SSBP2: variants seen among roughly 807,000 people sequenced by gnomAD.
SSBP2 encodes single-stranded DNA-binding protein 2.
A neutral mutation model predicts 61.8 loss-of-function variants in SSBP2; 17 were observed. The observed-to-expected ratio is 0.28, with a 90% CI of 0.19 to 0.41. The LOEUF (loss-of-function observed/expected upper bound fraction) is 0.41. Among genes scored for constraint, SSBP2 ranks in the 10% least tolerant of loss-of-function variants. The pLI, the probability that SSBP2 is intolerant of heterozygous loss-of-function variation, is 1.00. For synonymous variants in SSBP2, 139 were observed against 141.3 expected (o/e 0.98, Z 0.12); for missense variants, 310 against 458.7 (o/e 0.68, Z 2.96).
intron 4 of SSBP2, among the ~76,000 whole-genome samples, chr5:81,541,001 T>C (rs1771223478): frequency 6.6e-6 from 1 of 151,980 alleles, no homozygotes. Context: ...TGTGTGATTC[T>C]ATAGCTAGAA....
chr5:81,611,889 TATAAG>T (rs1259561352), intron 4 of SSBP2, among the ~76,000 whole-genome samples: 2 of 152,138 alleles, frequency 1.3e-5, no homozygotes, highest in Admixed American at 6.5e-5. Flanking sequence ...ATTCTAGTCT[TATAAG>T]ATAAATACAT....
intron 5 of SSBP2, among the ~76,000 whole-genome samples, chr5:81,493,597 A>T (rs1351037201): frequency 6.6e-6 from 1 of 152,158 alleles, no homozygotes; most frequent in African/African-American, 2.4e-5. Context: ...CTAGTAAAAA[A>T]TACAAAAAAT....
intron 4 of SSBP2, among the ~76,000 whole-genome samples, chr5:81,583,440 T>G (rs180812120): frequency 4.6e-5 from 7 of 151,836 alleles, no homozygotes; most frequent in Non-Finnish European, 7.4e-5. Flanking sequence ...CCATCCTGGC[T>G]AACACGGTGA....
At chr5:81,604,884 G>A (rs183298256) in intron 4 of SSBP2, among the ~76,000 whole-genome samples, 254 of 152,164 alleles carry the variant, frequency 1.7e-3, no homozygotes, top group Non-Finnish European at 2.4e-3. Context: ...ACTAAGGGAT[G>A]AGATAATTTT....
intron 10 of SSBP2, among the ~76,000 whole-genome samples, chr5:81,457,914 G>A (rs958211292): frequency 3.9e-5 from 6 of 151,938 alleles, no homozygotes; most frequent in African/African-American, 1.2e-4. Flanking sequence ...CACCTGCCTC[G>A]GCCTCCCAAA....
intron 4 of SSBP2, among the ~76,000 whole-genome samples, chr5:81,545,151 A>AT (rs1306304196): frequency 2.0e-5 from 3 of 152,266 alleles, no homozygotes; most frequent in Non-Finnish European, 2.9e-5. Context: ...TAAAACACAT[A>AT]TTTTTTTAGT....
chr5:81,448,190 T>G (rs1763528162), intron 11 of SSBP2: 1 of 152,530 alleles, frequency 6.6e-6, no homozygotes. Context: ...AATGTGATGA[T>G]GATGATTAAA....
intron 10 of SSBP2, among the ~76,000 whole-genome samples, chr5:81,460,455 A>G (rs1440799337): frequency 6.6e-6 from 1 of 152,202 alleles, no homozygotes; most frequent in African/African-American, 2.4e-5. Context: ...ACCTGTGCAC[A>G]TATTTCTGTG....
chr5:81,623,331 CTTTTTTTTT>C (rs35687529), intron 3 of SSBP2, among the ~76,000 whole-genome samples: 133 of 110,580 alleles, frequency 1.2e-3, no homozygotes, highest in Non-Finnish European at 2.1e-3. Flanking sequence ...CATTGTAGTA[CTTTTTTTTT>C]TTTTTTTTTT....
At chr5:81,684,260 T>G (rs1752608478) in intron 1 of SSBP2, among the ~76,000 whole-genome samples, 1 of 152,184 alleles carries the variant, frequency 6.6e-6, no homozygotes, top group East Asian at 1.9e-4. Context: ...GAAATATTAT[T>G]CAACACTAGA....
intron 4 of SSBP2, among the ~76,000 whole-genome samples, chr5:81,551,434 A>G (rs909374857): frequency 2.6e-5 from 4 of 152,156 alleles, no homozygotes; most frequent in African/African-American, 7.2e-5. Context: ...TATCATACTC[A>G]TGATTTAAAA....
intron 2 of SSBP2, among the ~76,000 whole-genome samples, chr5:81,645,072 G>A (rs953469411): frequency 6.6e-6 from 1 of 152,112 alleles, no homozygotes; most frequent in Non-Finnish European, 1.5e-5. Context: ...ACTATTATAA[G>A]CAATGTGCAT....
At chr5:81,742,608 G>A (rs1757104881) in intron 1 of SSBP2, among the ~76,000 whole-genome samples, 1 of 152,212 alleles carries the variant, frequency 6.6e-6, no homozygotes, top group African/African-American at 2.4e-5. Flanking sequence ...GGGCTCAGTG[G>A]CTCATGCCTG....
chr5:81,457,566 G>A (rs963212263), intron 10 of SSBP2, among the ~76,000 whole-genome samples: 8 of 152,104 alleles, frequency 5.3e-5, no homozygotes, highest in African/African-American at 1.9e-4. Flanking sequence ...GGAGAAACCT[G>A]ACAAGCACCA....
intron 1 of SSBP2, among the ~76,000 whole-genome samples, chr5:81,738,021 A>G (rs1360486131): frequency 6.6e-6 from 1 of 152,088 alleles, no homozygotes; most frequent in East Asian, 1.9e-4. Context: ...ATTTCCTCAC[A>G]CTTTCTCCCT....
chr5:81,628,924 C>T (rs558093276), intron 3 of SSBP2, among the ~76,000 whole-genome samples: 1 of 152,278 alleles, frequency 6.6e-6, no homozygotes, highest in Admixed American at 6.5e-5. Flanking sequence ...TTCAAACACT[C>T]CCACTCTTCA....
chr5:81,606,882 A>C (rs16898989), intron 4 of SSBP2, among the ~76,000 whole-genome samples: 7,925 of 152,318 alleles, frequency 0.052, 386 homozygotes, highest in African/African-American at 0.12. Flanking sequence ...CCACAGAATT[A>C]ACTTATAGCA....
At chr5:81,720,076 A>G (rs1193678158) in intron 1 of SSBP2, among the ~76,000 whole-genome samples, 2 of 152,172 alleles carry the variant, frequency 1.3e-5, no homozygotes, top group African/African-American at 4.8e-5. Context: ...GCAAGGCCCC[A>G]AGATGTCAAA....
At chr5:81,543,837 C>A (rs576809617) in intron 4 of SSBP2, among the ~76,000 whole-genome samples, 1 of 151,922 alleles carries the variant, frequency 6.6e-6, no homozygotes, top group East Asian at 1.9e-4. Context: ...TTTTTTCTAC[C>A]CTTTAAATCA....
Sources: allele counts gnomAD v4.1 joint callset (sites outside exome capture counted in the v4.1 genomes callset), GRCh38; gene constraint gnomAD v4.1.1; transcripts MANE v1.5; gene names NCBI Gene and HGNC (gene_info 2026-07-23, HGNC 2026-07-21).